The following SPATA13 variants were observed in gnomAD, a reference collection of about 807,000 sequenced individuals.
SPATA13 encodes spermatogenesis-associated protein 13.
Under a neutral mutation model 104.0 loss-of-function variants are expected in SPATA13, and 50 were observed. That is an observed-to-expected ratio of 0.48 (90% confidence interval 0.38 to 0.61). The LOEUF is 0.61. Among genes scored for constraint, SPATA13 ranks in the 20% least tolerant of loss-of-function variants. SPATA13 has a pLI of 0.00. For synonymous variants in SPATA13, 606 were observed against 667.5 expected (o/e 0.91, Z 1.42); for missense variants, 1,524 against 1,690.6 (o/e 0.90, Z 1.73).
At chr13:24,215,076 A>G (rs1007300524) in intron 1 of SPATA13, among the ~76,000 whole-genome samples, 2 of 152,184 alleles carry the variant, frequency 1.3e-5, no homozygotes, top group Non-Finnish European at 2.9e-5. Flanking sequence ...CGCGCTGGCA[A>G]TGAGAACCTC....
intron 3 of SPATA13, among the ~76,000 whole-genome samples, chr13:24,103,664 G>A (rs1880340066): frequency 6.6e-6 from 1 of 152,070 alleles, no homozygotes; most frequent in Non-Finnish European, 1.5e-5. Flanking sequence ...AGGTGCACTA[G>A]ATGTATCTAT....
At chr13:24,278,367 G>A (rs1875173623) in intron 4 of SPATA13, among the ~76,000 whole-genome samples, 1 of 152,102 alleles carries the variant, frequency 6.6e-6, no homozygotes, top group African/African-American at 2.4e-5. Context: ...ATATGAGCCG[G>A]TTCATCTCCA....
intron 2 of SPATA13, among the ~76,000 whole-genome samples, chr13:23,996,836 G>C (rs1336491309): frequency 2.0e-5 from 3 of 152,170 alleles, no homozygotes; most frequent in African/African-American, 4.8e-5. Flanking sequence ...GCCTCCCTCT[G>C]ACCTCTGCTT....
chr13:24,172,361 A>G (rs187136229), intron 1 of SPATA13, among the ~76,000 whole-genome samples: 1 of 152,276 alleles, frequency 6.6e-6, no homozygotes, highest in Admixed American at 6.5e-5. Context: ...TTTCATTTTG[A>G]TGAGGTCCAG....
intron 2 of SPATA13, among the ~76,000 whole-genome samples, chr13:24,233,753 A>T (rs1394283116): frequency 6.6e-6 from 1 of 152,178 alleles, no homozygotes. Context: ...TTCAGTACAG[A>T]CTAGTTAAAC....
intron 4 of SPATA13, among the ~76,000 whole-genome samples, chr13:24,280,890 C>T (rs907580642): frequency 1.2e-4 from 19 of 152,138 alleles, no homozygotes; most frequent in African/African-American, 4.6e-4. Context: ...GCACCCTGGC[C>T]TAGCATAGGA....
At chr13:24,293,920 T>A (rs1177679347) in intron 9 of SPATA13, among the ~76,000 whole-genome samples, 1 of 152,194 alleles carries the variant, frequency 6.6e-6, no homozygotes, top group Non-Finnish European at 1.5e-5. Context: ...ATTCCAGCTG[T>A]GATGGAGTGG....
intron 2 of SPATA13, among the ~76,000 whole-genome samples, chr13:24,003,881 A>G (rs945815147): frequency 5.3e-5 from 8 of 152,230 alleles, no homozygotes; most frequent in African/African-American, 1.9e-4. Context: ...ATCAGCAAAT[A>G]CAGAACCCAT....
intron 2 of SPATA13, among the ~76,000 whole-genome samples, chr13:24,002,958 TG>T (rs67589784): frequency 0.034 from 5,211 of 152,226 alleles, 305 homozygotes; most frequent in African/African-American, 0.12. Context: ...TTTCTGAATG[TG>T]GGGGGTGAAC....
intron 1 of SPATA13, among the ~76,000 whole-genome samples, chr13:24,214,270 T>C (rs1871174070): frequency 6.6e-6 from 1 of 152,230 alleles, no homozygotes; most frequent in South Asian, 2.1e-4. Context: ...CAGATGCATG[T>C]ACAATAAACT....
intron 1 of SPATA13, among the ~76,000 whole-genome samples, chr13:24,181,411 A>C (rs1481902844): frequency 3.3e-5 from 5 of 152,216 alleles, no homozygotes; most frequent in Non-Finnish European, 7.3e-5. Context: ...TTAAAACACA[A>C]ATATATTATA....
At chr13:24,001,146 C>T (rs1478642522) in intron 2 of SPATA13, among the ~76,000 whole-genome samples, 1 of 152,164 alleles carries the variant, frequency 6.6e-6, no homozygotes, top group Non-Finnish European at 1.5e-5. Context: ...CTACTCTCTC[C>T]AGGTAATGTC....
At chr13:24,187,255 C>T (rs948170063) in intron 1 of SPATA13, among the ~76,000 whole-genome samples, 1 of 152,062 alleles carries the variant, frequency 6.6e-6, no homozygotes, top group Non-Finnish European at 1.5e-5. Context: ...TTGCAGTCAT[C>T]CCTGCCTCAG....
Position 24,223,561 on chromosome 13 carries a change from G to T in SPATA13, c.632G>T (p.Arg211Leu), listed in dbSNP as rs770070925. The T allele has an allele frequency of 3.2e-6, 5 of 1,548,874 alleles. No homozygotes were observed. Among genetic ancestry groups the T allele is most frequent in the African/African-American group, 1.4e-5 (1 of 73,060 alleles). ...RSLRRAYGLG[R>L]ICLLDAPQNH... ...CTCCGCAGAGCCTACGGCCTGGGCCGCATCTGCCTGCTGGATGCGCCCCAG... is the reference window on the plus strand; with the variant it reads ...CTCCGCAGAGCCTACGGCCTGGGCCTCATCTGCCTGCTGGATGCGCCCCAG... Residue 211 changes from arginine to leucine, a missense_variant, in exon 2 of 13, where the codon CGC becomes CTC. Around this residue, in one of 2 missense-constraint regions of SPATA13, gnomAD observed 1,089 missense variants for 1,135.9 expected, o/e 0.96. Coordinates refer to ENST00000382108, the MANE Select transcript of SPATA13 (RefSeq NM_001166271.3).
At chr13:24,151,693 G>A (rs1026323131) in intron 3 of SPATA13, among the ~76,000 whole-genome samples, 6 of 152,098 alleles carry the variant, frequency 3.9e-5, no homozygotes, top group Admixed American at 3.3e-4. Flanking sequence ...CAACCTACCA[G>A]AGAGGGCTCA....
intron 2 of SPATA13, among the ~76,000 whole-genome samples, chr13:24,243,487 G>T (rs150660503): frequency 0.01 from 1,549 of 152,302 alleles, 31 homozygotes; most frequent in African/African-American, 0.035. Flanking sequence ...CTTTCCAGAG[G>T]AGAGGCAGAG....
At chr13:24,256,569 T>C (rs1873801598) in intron 4 of SPATA13, among the ~76,000 whole-genome samples, 1 of 152,218 alleles carries the variant, frequency 6.6e-6, no homozygotes, top group Non-Finnish European at 1.5e-5. Flanking sequence ...ATTTAATTTT[T>C]TTTTTTTTAA....
intron 1 of SPATA13, among the ~76,000 whole-genome samples, chr13:24,167,578 G>A (rs1346325449): frequency 6.6e-6 from 1 of 152,184 alleles, no homozygotes; most frequent in Non-Finnish European, 1.5e-5. Flanking sequence ...CAATACTTCT[G>A]TGTGAATAGT....
chr13:24,239,869 TAA>T (rs1167473142), intron 2 of SPATA13, among the ~76,000 whole-genome samples: 2 of 151,946 alleles, frequency 1.3e-5, no homozygotes, highest in Non-Finnish European at 2.9e-5. Flanking sequence ...TTGAAAATAA[TAA>T]GTTTGAAAGT....
Sources: allele counts gnomAD v4.1 joint callset (sites outside exome capture counted in the v4.1 genomes callset), GRCh38; gene constraint gnomAD v4.1.1; regional missense constraint gnomAD v4.1.1; transcripts MANE v1.5; gene names NCBI Gene and HGNC (gene_info 2026-07-23, HGNC 2026-07-21).